Variants in CCDC66 observed in about 807,000 individuals in gnomAD.
CCDC66 encodes coiled-coil domain containing 66, also known as coiled-coil domain-containing protein 66.
Under a neutral mutation model 128.3 loss-of-function variants are expected in CCDC66, and 133 were observed. That is an observed-to-expected ratio of 1.04 (90% CI 0.90 to 1.20). The LOEUF is 1.20. Among genes scored for constraint, CCDC66 ranks in the 50% most tolerant of loss-of-function variants. The probability of loss-of-function intolerance (pLI) is 0.00; values close to 1 mark genes in which losing one functional copy is unlikely to be tolerated. For missense variants in CCDC66, 1,126 were observed against 1,075.5 expected, an observed-to-expected ratio of 1.05 and a Z score of -0.66; for synonymous variants, 387 against 357.0, an observed-to-expected ratio of 1.08 and a Z score of -0.95.
At position 56,583,521 on chromosome 3, in the gene CCDC66, C is replaced by A. The variant is rs561028794; in HGVS notation, c.937-9449C>A. ...TGACTCTTAGGGAGCATGCTGCCTT[C>A]AAGCATCTGTTTAACAAAGCACGTC... On this transcript the variant is annotated intron_variant, in intron 7 of 17. Transcript: ENST00000394672. Among the ~76,000 whole-genome samples, 4 of 151,992 alleles carry A rather than the reference C, an allele frequency of 2.6e-5. No homozygotes were observed. In the South Asian group the frequency reaches 8.3e-4, roughly 31 times the overall value.
chr3:56,599,913 T>G (rs1050441607), intron 10 of CCDC66, among the ~76,000 whole-genome samples: 1 of 152,132 alleles, frequency 6.6e-6, no homozygotes, highest in Non-Finnish European at 1.5e-5. Context: ...CTCCCACTTA[T>G]GAGTGAGAAC....
chr3:56,593,247 T>A (rs369235944), intron 8 of CCDC66, 146 bp downstream of exon 8: 1 of 791,826 alleles, frequency 1.3e-6, no homozygotes, highest in South Asian at 1.9e-5. Flanking sequence ...TTTCATTGAA[T>A]GCATTATGTG....
intron 10 of CCDC66, among the ~76,000 whole-genome samples, chr3:56,602,330 G>A (rs182434652): frequency 4.6e-5 from 7 of 152,072 alleles, no homozygotes; most frequent in Middle Eastern, 3.4e-3. Context: ...CAACTTGATC[G>A]TGCTGGATAA....
At chr3:56,584,751 T>C (rs2069289456) in intron 7 of CCDC66, among the ~76,000 whole-genome samples, 1 of 151,814 alleles carries the variant, frequency 6.6e-6, no homozygotes, top group Admixed American at 6.6e-5. Flanking sequence ...GGCTGGGAAG[T>C]GGAGGTTGTA....
chr3:56,575,402 A>G (rs375109292), intron 7 of CCDC66, among the ~76,000 whole-genome samples: 2 of 151,828 alleles, frequency 1.3e-5, no homozygotes, highest in Admixed American at 6.6e-5. Context: ...AGAAATGTCT[A>G]TTGAGATCCT....
At position 56,559,598 on chromosome 3, in the gene CCDC66, A is replaced by G; in HGVS notation, c.102+4A>G. 1 of 1,534,146 alleles carries G rather than the reference A, an allele frequency of 6.5e-7. No individual in the cohort carries two copies. Among genetic ancestry groups the G allele is most frequent in the African/African-American group, 1.4e-5 (1 of 72,210 alleles). On this transcript the variant is annotated splice_donor_region_variant and intron_variant, in intron 3 of 17. Coordinates refer to ENST00000394672, the MANE Select transcript of CCDC66 (RefSeq NM_001141947.3). ...TAAATCAAAAATTTCTGTGAAGGTA[A>G]GCCGTATAACTTTGACCTGACCTGT...
chr3:56,588,829 G>C (rs1224519830), intron 7 of CCDC66, among the ~76,000 whole-genome samples: 1 of 152,192 alleles, frequency 6.6e-6, no homozygotes, highest in Admixed American at 6.5e-5. Flanking sequence ...TTTTAACTGA[G>C]TGATAATGAA....
chr3:56,616,909 T>A (rs940159054), intron 13 of CCDC66: 6 of 454,772 alleles, frequency 1.3e-5, no homozygotes, highest in African/African-American at 8.2e-5. Flanking sequence ...TATCAGTTCA[T>A]AGAAATGGAA....
At position 56,618,221 on chromosome 3, in the gene CCDC66, G is replaced by A; in HGVS notation, c.2378+9G>A. The A allele has an allele frequency of 1.2e-6, 2 of 1,611,110 alleles. No individual in the cohort carries two copies. Among genetic ancestry groups the A allele is most frequent in the South Asian group, 1.1e-5 (1 of 91,008 alleles). On this transcript the variant is annotated intron_variant, in intron 15 of 17. Transcript: ENST00000394672. Reference sequence around the variant, plus strand: ...TCATTCAGCAAGGAAAGGTAAGTATGCATCAGATTAATTCCGCAGCTACTT... The same window carrying A: ...TCATTCAGCAAGGAAAGGTAAGTATACATCAGATTAATTCCGCAGCTACTT...
At chr3:56,582,845 T>C (rs1559662707) in intron 7 of CCDC66, among the ~76,000 whole-genome samples, 2 of 127,882 alleles carry the variant, frequency 1.6e-5, no homozygotes, top group African/African-American at 6.1e-5. Flanking sequence ...ACTTCTCAAC[T>C]TTCTTTATTA....
Position 56,613,654 on chromosome 3 carries a change from G to A in CCDC66, c.1470G>A (p.Lys490=). ...AACAACTGGAGGAAGAGCAAAGAAA[G>A]AAGGAAGAACAAGAAGAGGAGCTTC... ...RKKQLEEEQR[K]KEEQEEELRL... Residue 490 remains lysine (K), a synonymous_variant, in exon 11 of 18, where the codon AAG becomes AAA. Transcript: ENST00000394672. 1.2e-6 allele frequency: 2 copies of A among 1,614,032 alleles called. No individual in the cohort carries two copies. Among genetic ancestry groups the A allele is most frequent in the Non-Finnish European group, 1.7e-6 (2 of 1,179,946 alleles).
Position 56,582,849 on chromosome 3 carries a change from T to TTTATTATTATTA in CCDC66, c.937-10087_937-10076dup, listed in dbSNP as rs66485521. 4.8e-3 allele frequency among the ~76,000 whole-genome samples: 654 copies of TTTATTATTATTA among 134,862 alleles called. 11 individuals are homozygous for TTTATTATTATTA. Among genetic ancestry groups the TTTATTATTATTA allele is most frequent in the East Asian group, 0.016 (63 of 4,018 alleles). 88.5% of individuals were successfully genotyped at this position (134,862 alleles called of 152,430 possible). On this transcript the variant is annotated intron_variant, in intron 7 of 17. Transcript: ENST00000394672. ...TCCCTTTTTTGACTTCTCAACTTTC[T>TTTATTATTATTA]TTATTATTATTATTATTATTATTAT...
intron 10 of CCDC66, among the ~76,000 whole-genome samples, chr3:56,608,314 A>G (rs1402922204): frequency 3.3e-5 from 5 of 151,940 alleles, no homozygotes; most frequent in Admixed American, 6.6e-5. Context: ...ACTGCTTGCT[A>G]TTGGTCTGTT....
At chr3:56,559,521 T>C (rs1008194687) in intron 2 of CCDC66, 48 bp from the exon 3 acceptor site, 15 of 1,286,402 alleles carry the variant, frequency 1.2e-5, no homozygotes, top group South Asian at 8.4e-5. Flanking sequence ...ATTACCACCT[T>C]AGTATGCTTT....
chr3:56,592,918 T>C (rs368995670), intron 7 of CCDC66, 52 bp from the exon 8 acceptor site: 1 of 1,582,510 alleles, frequency 6.3e-7, no homozygotes. Context: ...ACATATTAAG[T>C]GATTAGAAAA....
chr3:56,600,227 C>T (rs535505027), intron 10 of CCDC66, among the ~76,000 whole-genome samples: 45 of 149,890 alleles, frequency 3.0e-4, no homozygotes, highest in Admixed American at 1.6e-3. Flanking sequence ...CAGCTCACTG[C>T]GACCTCTGCC....
intron 1 of CCDC66, chr3:56,558,644 G>C: frequency 1.7e-6 from 1 of 590,388 alleles, no homozygotes; most frequent in Non-Finnish European, 3.0e-6. Context: ...GTATTGAAGA[G>C]TTTCAAGAAT....
Position 56,559,573 on chromosome 3 carries a change from TA to T in CCDC66, c.84del (p.Lys28AsnfsTer6). On this transcript the variant is annotated frameshift_variant, in exon 3 of 18. Transcript: ENST00000394672. LOFTEE classifies it high-confidence loss of function. ...AATTTCTTTTTTCTTTTGTAGAACA[TA>T]AATCAAAAATTTCTGTGAAGGTAAG... The part of the protein sequence containing the change: ...TKLILSPYEH[K>X]SKISVKMGNK... 1 of 1,536,748 alleles carries T rather than the reference TA, an allele frequency of 6.5e-7. No homozygotes were observed. The highest frequency in any genetic ancestry group is 8.8e-7 in the Non-Finnish European group (1 of 1,139,562).
chr3:56,566,158 C>G (rs76533482), intron 4 of CCDC66, among the ~76,000 whole-genome samples: 1 of 79,186 alleles, frequency 1.3e-5, no homozygotes, highest in Non-Finnish European at 4.1e-5. Context: ...CGACATCTGG[C>G]CCAGACTGGA....
Sources: allele counts gnomAD v4.1 joint callset (sites outside exome capture counted in the v4.1 genomes callset), GRCh38; gene constraint gnomAD v4.1.1; transcripts MANE v1.5; gene names NCBI Gene and HGNC (gene_info 2026-07-23, HGNC 2026-07-21).